CDH13: variants seen among roughly 807,000 people sequenced by gnomAD.
The protein encoded by CDH13 is cadherin-13.
CDH13 carries 24 observed loss-of-function variants against 63.8 expected under a neutral mutation model. That is an observed-to-expected ratio of 0.38 (90% CI 0.27 to 0.53). The LOEUF is 0.53. CDH13 is among the 20% of genes least tolerant of loss of function. The pLI is 0.85. For missense variants in CDH13, 1,049 were observed against 903.1 expected, an observed-to-expected ratio of 1.16 and a Z score of -2.07; for synonymous variants, 503 against 355.3, an observed-to-expected ratio of 1.42 and a Z score of -4.67.
chr16:83,518,725 C>T (rs921383497), intron 7 of CDH13, among the ~76,000 whole-genome samples: 20 of 152,074 alleles, frequency 1.3e-4, no homozygotes, highest in African/African-American at 4.1e-4. Flanking sequence ...CCCGCCTCAG[C>T]CTCCCAAAGT....
intron 2 of CDH13, among the ~76,000 whole-genome samples, chr16:83,001,841 A>G (rs1258126364): frequency 6.6e-6 from 1 of 152,208 alleles, no homozygotes; most frequent in Non-Finnish European, 1.5e-5. Flanking sequence ...CTGGGGAGCT[A>G]TGGGAAGCCC....
chr16:82,910,137 C>A (rs1407995976), intron 2 of CDH13, among the ~76,000 whole-genome samples: 1 of 152,198 alleles, frequency 6.6e-6, no homozygotes. Flanking sequence ...TCATCTGTGT[C>A]CCTGGGTGTC....
At chr16:83,418,848 C>T (rs988164534) in intron 6 of CDH13, among the ~76,000 whole-genome samples, 1 of 152,120 alleles carries the variant, frequency 6.6e-6, no homozygotes, top group Non-Finnish European at 1.5e-5. Context: ...TCTTTTCTCT[C>T]TGTGAAGGTT....
intron 8 of CDH13, among the ~76,000 whole-genome samples, chr16:83,620,494 G>C (rs1598380123): frequency 6.6e-6 from 1 of 151,970 alleles, no homozygotes; most frequent in African/African-American, 2.4e-5. Flanking sequence ...TCAATGGCTA[G>C]GAGATTGCTG....
At position 82,860,386 on chromosome 16, in the gene CDH13, T is replaced by TG. The variant is rs1212112335; in HGVS notation, c.157+1914dup. Among the ~76,000 whole-genome samples the TG allele has an allele frequency of 4.0e-3, 125 of 31,228 alleles. 5 individuals carry two copies. The highest frequency in any genetic ancestry group is 9.6e-3 in the African/African-American group (67 of 7,002). The allele number at this position is 31,228 out of a possible 152,430, so 20.5% of individuals were successfully genotyped here. On this transcript the variant is annotated intron_variant, in intron 2 of 13. Coordinates refer to ENST00000567109, the MANE Select transcript of CDH13 (RefSeq NM_001257.5). ...GCAGTATCACAGTTGTGTGTGTGTGTGTGGGGGGGGGGGCGGCGGTGTGCG... is the reference window on the plus strand; with the variant it reads ...GCAGTATCACAGTTGTGTGTGTGTGTGGTGGGGGGGGGGGCGGCGGTGTGCG...
intron 4 of CDH13, among the ~76,000 whole-genome samples, chr16:83,170,831 T>G (rs2037883205): frequency 6.6e-6 from 1 of 152,046 alleles, no homozygotes; most frequent in African/African-American, 2.4e-5. Context: ...ACCAAACTTT[T>G]CAACATGAGT....
At chr16:83,371,318 C>G (rs1483305097) in intron 6 of CDH13, among the ~76,000 whole-genome samples, 2 of 152,182 alleles carry the variant, frequency 1.3e-5, no homozygotes, top group African/African-American at 2.4e-5. Flanking sequence ...CATTCTCCAT[C>G]ATTTCTTTTG....
chr16:82,753,511 C>T (rs1267782414), intron 1 of CDH13, among the ~76,000 whole-genome samples: 1 of 152,158 alleles, frequency 6.6e-6, no homozygotes, highest in Non-Finnish European at 1.5e-5. Flanking sequence ...TATTTACGTA[C>T]TTCCTAGATA....
chr16:83,717,580 T>G (rs1313674651), intron 10 of CDH13, among the ~76,000 whole-genome samples: 1 of 152,232 alleles, frequency 6.6e-6, no homozygotes, highest in African/African-American at 2.4e-5. Flanking sequence ...AAGGGCTGAC[T>G]CTTGGTGTCT....
chr16:82,981,480 C>T (rs1183738407), intron 2 of CDH13, among the ~76,000 whole-genome samples: 1 of 152,022 alleles, frequency 6.6e-6, no homozygotes, highest in Non-Finnish European at 1.5e-5. Flanking sequence ...GCAATTTTGC[C>T]CCCTCTGCTC....
At chr16:82,677,086 G>T (rs998337734) in intron 1 of CDH13, among the ~76,000 whole-genome samples, 2 of 152,186 alleles carry the variant, frequency 1.3e-5, no homozygotes, top group African/African-American at 2.4e-5. Context: ...GTTTCGCCAT[G>T]TTGGCCAGGA....
At chr16:83,268,220 A>T (rs2088684140) in intron 5 of CDH13, among the ~76,000 whole-genome samples, 1 of 152,222 alleles carries the variant, frequency 6.6e-6, no homozygotes, top group African/African-American at 2.4e-5. Flanking sequence ...ACAGTGGTGT[A>T]TATATACCTA....
At chr16:83,504,786 A>G (rs755806002) in intron 7 of CDH13, among the ~76,000 whole-genome samples, 1 of 152,196 alleles carries the variant, frequency 6.6e-6, no homozygotes, top group Non-Finnish European at 1.5e-5. Flanking sequence ...TAGTGGCTTC[A>G]AGGAATTTTT....
intron 6 of CDH13, among the ~76,000 whole-genome samples, chr16:83,399,589 A>G (rs561784030): frequency 6.6e-6 from 1 of 152,050 alleles, no homozygotes; most frequent in Non-Finnish European, 1.5e-5. Flanking sequence ...ATCTCAGTGG[A>G]TCAAGGACTC....
intron 1 of CDH13, chr16:82,639,377 G>A (rs1369578840): frequency 5.2e-6 from 8 of 1,535,482 alleles, no homozygotes; most frequent in Non-Finnish European, 7.0e-6. Context: ...CAACCCACCT[G>A]CACTGCATGG....
intron 4 of CDH13, among the ~76,000 whole-genome samples, chr16:83,142,279 G>A (rs2036568575): frequency 6.7e-6 from 1 of 149,298 alleles, no homozygotes; most frequent in African/African-American, 2.5e-5. Context: ...TCCTGTCTCA[G>A]CCTCCTGAGT....
In CDH13 at chr16:82,868,711, G is replaced by A. The variant is rs570346457; in HGVS notation, c.157+10238G>A. 7.9e-5 allele frequency among the ~76,000 whole-genome samples: 12 copies of A among 152,296 alleles called. No homozygotes were observed. In the Middle Eastern group the frequency reaches 0.01, roughly 130 times the overall value. On this transcript the variant is annotated intron_variant, in intron 2 of 13. Transcript: ENST00000567109. ...TGGGCTAAATTTGCCTCACAGATAC[G>A]TCCTGTTTGGCTGCTTAGTGTGAGA...
chr16:83,536,220 G>A (rs2075184543), intron 7 of CDH13, among the ~76,000 whole-genome samples: 1 of 152,350 alleles, frequency 6.6e-6, no homozygotes, highest in Middle Eastern at 3.4e-3. Flanking sequence ...AACAGTCATT[G>A]TCTTCATAGA....
At chr16:83,783,873 T>C (rs922795455) in intron 13 of CDH13, among the ~76,000 whole-genome samples, 4 of 152,218 alleles carry the variant, frequency 2.6e-5, no homozygotes, top group Non-Finnish European at 5.9e-5. Flanking sequence ...TTATGAGACT[T>C]TCTGAGAATA....
Sources: allele counts gnomAD v4.1 joint callset (sites outside exome capture counted in the v4.1 genomes callset), GRCh38; gene constraint gnomAD v4.1.1; transcripts MANE v1.5; gene names NCBI Gene and HGNC (gene_info 2026-07-23, HGNC 2026-07-21).